MYOCD: variants seen among roughly 807,000 people sequenced by gnomAD.
MYOCD encodes myocardin.
In MYOCD, 32 loss-of-function variants were observed where a neutral mutation model predicts 96.1. The observed-to-expected ratio is 0.33, with a 90% CI of 0.25 to 0.45. The LOEUF (loss-of-function observed/expected upper bound fraction) is 0.45, where lower values mean the gene tolerates loss of function less well. Among genes scored for constraint, MYOCD ranks in the 20% least tolerant of loss-of-function variants. MYOCD has a pLI of 1.00. For missense variants in MYOCD, 1,133 were observed against 1,200.6 expected, an observed-to-expected ratio of 0.94 and a Z score of 0.83; for synonymous variants, 469 against 469.0, an observed-to-expected ratio of 1.00 and a Z score of 0.00.
At chr17:12,710,694 T>C (rs2031453100) in intron 2 of MYOCD, among the ~76,000 whole-genome samples, 1 of 152,154 alleles carries the variant, frequency 6.6e-6, no homozygotes, top group Non-Finnish European at 1.5e-5. Context: ...ACTTGGCTTT[T>C]CCCCCACAGC....
intron 9 of MYOCD, among the ~76,000 whole-genome samples, chr17:12,749,566 A>G (rs1443130850): frequency 6.7e-6 from 1 of 148,500 alleles, no homozygotes; most frequent in Non-Finnish European, 1.5e-5. Flanking sequence ...ATACATATGT[A>G]TATGTATATA....
chr17:12,731,876 C>G (rs974142541), intron 5 of MYOCD, among the ~76,000 whole-genome samples: 1 of 152,212 alleles, frequency 6.6e-6, no homozygotes, highest in Admixed American at 6.5e-5. Flanking sequence ...TCAACAGCGA[C>G]GAGCTAAGTC....
At chr17:12,711,997 C>T (rs1381484620) in intron 2 of MYOCD, among the ~76,000 whole-genome samples, 1 of 149,088 alleles carries the variant, frequency 6.7e-6, no homozygotes, top group African/African-American at 2.5e-5. Flanking sequence ...GATCTTGGCT[C>T]ACTGCAACCT....
chr17:12,702,872 A>G (rs902966465), intron 1 of MYOCD, among the ~76,000 whole-genome samples: 2 of 151,970 alleles, frequency 1.3e-5, no homozygotes, highest in African/African-American at 4.8e-5. Context: ...ATCGCAAGAC[A>G]ATGTTATAAT....
rs762095359 is a variant in MYOCD at position 12,753,143 on chromosome 17, G to C, written c.1855G>C (p.Asp619His). The change falls in exon 10 of 14, where the codon GAT (aspartate) becomes CAT (histidine). Residue 619 changes from aspartate (D) to histidine (H), a missense_variant. Coordinates refer to ENST00000425538, the MANE Select transcript of MYOCD (RefSeq NM_001146312.3). The part of the protein sequence containing the change: ...LGNAHCVESS[D>H]QTNVLSSTFL... ...AAATGCTCATTGTGTGGAGTCCTCA[G>C]ATCAAACCAATGTACTTTCTTCCAC... The C allele has an allele frequency of 3.7e-6, 6 of 1,614,156 alleles. No individual in the cohort carries two copies. The highest frequency in any genetic ancestry group is 2.2e-5 in the East Asian group (1 of 44,866).
At chr17:12,718,414 C>T (rs1484538990) in intron 4 of MYOCD, among the ~76,000 whole-genome samples, 2 of 152,156 alleles carry the variant, frequency 1.3e-5, no homozygotes, top group Non-Finnish European at 2.9e-5. Flanking sequence ...TCTGAGGGAA[C>T]AGCCTGCACA....
At position 12,736,328 on chromosome 17, in the gene MYOCD, A is replaced by G. The variant is rs960753964; in HGVS notation, c.583A>G (p.Thr195Ala). The stretch of plus-strand genomic sequence containing the variant: ...TACCCCTTCGACAGGTTCTCTGGGG[A>G]CAAACCAGGTAAAAAACAAAACAAA... ...SDTPSTGSLG[T>A]NQDLASGSEN... Residue 195 changes from threonine (T) to alanine (A), a missense_variant, in exon 6 of 14, where the codon ACA becomes GCA. Physicochemically the swap from Thr to Ala is moderately conservative, Grantham distance 58. Coordinates refer to ENST00000425538, the MANE Select transcript of MYOCD (RefSeq NM_001146312.3). The G allele has an allele frequency of 2.5e-6, 4 of 1,612,092 alleles. No individual in the cohort carries two copies. The African/African-American group carries it at 4.0e-5, about 16-fold the overall frequency.
intron 12 of MYOCD, chr17:12,760,325 A>G (rs2033133571): frequency 9.0e-6 from 3 of 334,474 alleles, no homozygotes. Context: ...CAGAAAGGAA[A>G]ATGGCGGTTG....
At chr17:12,756,392 T>G (rs1262550569) in intron 10 of MYOCD, 22 bp from the exon 11 acceptor site, 1 of 1,551,868 alleles carries the variant, frequency 6.4e-7, no homozygotes, top group Non-Finnish European at 8.7e-7. Context: ...GGCCATGTAA[T>G]TTGTCACTTC....
chr17:12,760,653 A>G lies in MYOCD; in HGVS notation c.2335A>G (p.Met779Val), dbSNP rs1346884018. The G allele has an allele frequency of 6.2e-7, 1 of 1,613,846 alleles. No individual in the cohort carries two copies. Among genetic ancestry groups the G allele is most frequent in the South Asian group, 1.1e-5 (1 of 91,050 alleles). ...TCCTTTGGTTAATTTGTAATAGCAA[A>G]TGACCCGGAGTCAGCAGATGGATGA... is the stretch of plus-strand genomic sequence containing the variant. Reference protein sequence around the residue: ...PSYEDAVKQQMTRSQQMDELL... With the variant: ...PSYEDAVKQQVTRSQQMDELL... Residue 779 changes from methionine (M) to valine (V), a missense_variant, in exon 13 of 14, where the codon ATG becomes GTG. Transcript: ENST00000425538.
chr17:12,729,390 C>T (rs187604567), intron 5 of MYOCD, among the ~76,000 whole-genome samples: 32 of 152,086 alleles, frequency 2.1e-4, no homozygotes, highest in African/African-American at 7.5e-4. Context: ...TGGAGTCTGC[C>T]TCTGCCGCCC....
chr17:12,744,744 T>C (rs1352134064), intron 8 of MYOCD, among the ~76,000 whole-genome samples: 2 of 152,244 alleles, frequency 1.3e-5, no homozygotes, highest in Admixed American at 1.3e-4. Flanking sequence ...ATACCTGTGA[T>C]AAGGTTTCAC....
chr17:12,667,660 C>G (rs1358470767), intron 1 of MYOCD, among the ~76,000 whole-genome samples: 1 of 152,166 alleles, frequency 6.6e-6, no homozygotes, highest in Non-Finnish European at 1.5e-5. Context: ...GCTGGTTTGT[C>G]TCTAAAAGGA....
chr17:12,747,562 A>C, intron 9 of MYOCD, among the ~76,000 whole-genome samples: 1 of 152,160 alleles, frequency 6.6e-6, no homozygotes. Flanking sequence ...TGGAGCATTG[A>C]ACCTAGAAGG....
chr17:12,671,198 T>A (rs1909690726), intron 1 of MYOCD, among the ~76,000 whole-genome samples: 1 of 152,218 alleles, frequency 6.6e-6, no homozygotes, highest in Non-Finnish European at 1.5e-5. Context: ...TATTTTCCAG[T>A]CATTTCATAT....
chr17:12,670,459 G>A (rs1909638570), intron 1 of MYOCD, among the ~76,000 whole-genome samples: 1 of 152,094 alleles, frequency 6.6e-6, no homozygotes, highest in Non-Finnish European at 1.5e-5. Flanking sequence ...TCTCTCTCAG[G>A]AATTGAGCTT....
At chr17:12,726,691 A>T (rs1464124996) in intron 5 of MYOCD, among the ~76,000 whole-genome samples, 1 of 151,944 alleles carries the variant, frequency 6.6e-6, no homozygotes, top group Non-Finnish European at 1.5e-5. Context: ...GTTGTTTTTT[A>T]TTTTTCAGAT....
At chr17:12,753,929 A>G (rs150233660) in intron 10 of MYOCD, among the ~76,000 whole-genome samples, 1 of 152,214 alleles carries the variant, frequency 6.6e-6, no homozygotes, top group East Asian at 1.9e-4. Flanking sequence ...TCTGGGACTT[A>G]GTGCTGAACT....
At chr17:12,684,944 T>C (rs1326313911) in intron 1 of MYOCD, among the ~76,000 whole-genome samples, 1 of 151,936 alleles carries the variant, frequency 6.6e-6, no homozygotes, top group Non-Finnish European at 1.5e-5. Flanking sequence ...GCACAAGTTA[T>C]ACACTTATGA....
Sources: allele counts gnomAD v4.1 joint callset (sites outside exome capture counted in the v4.1 genomes callset), GRCh38; gene constraint gnomAD v4.1.1; transcripts MANE v1.5; gene names NCBI Gene and HGNC (gene_info 2026-07-23, HGNC 2026-07-21).